The following EGF variants were observed in gnomAD, a reference collection of about 807,000 sequenced individuals.
The protein encoded by EGF is epidermal growth factor.
Under a neutral mutation model 143.8 loss-of-function variants are expected in EGF, and 95 were observed. The observed-to-expected ratio is 0.66, with a 90% confidence interval of 0.56 to 0.78. EGF has a LOEUF of 0.78. EGF is among the 30% of genes least tolerant of loss of function. EGF has a pLI of 0.00. For synonymous variants in EGF, 510 were observed against 510.5 expected (o/e 1.00, Z 0.01); for missense variants, 1,320 against 1,470.9 (o/e 0.90, Z 1.68).
At chr4:109,987,704 A>T (rs1750336514) in intron 16 of EGF, 40 bp from the exon 17 acceptor site, 10 of 1,524,654 alleles carry the variant, frequency 6.6e-6, no homozygotes, top group African/African-American at 1.4e-5. Flanking sequence ...TTCTTCTCTA[A>T]GGTCTAGAAA....
At chr4:109,933,188 C>A (rs1024927613) in intron 1 of EGF, among the ~76,000 whole-genome samples, 2 of 152,196 alleles carry the variant, frequency 1.3e-5, no homozygotes, top group Non-Finnish European at 1.5e-5. Context: ...GACTGGAAAC[C>A]AGGCCTCTGG....
chr4:109,976,505 G>C (rs1490524375), intron 13 of EGF, among the ~76,000 whole-genome samples: 1 of 152,126 alleles, frequency 6.6e-6, no homozygotes, highest in Non-Finnish European at 1.5e-5. Flanking sequence ...TTAGGAATAA[G>C]AACTTGGTTC....
chr4:109,952,454 T>C (rs1432107016), intron 5 of EGF, among the ~76,000 whole-genome samples: 1 of 152,222 alleles, frequency 6.6e-6, no homozygotes, highest in Non-Finnish European at 1.5e-5. Flanking sequence ...ATGTACTTGC[T>C]TCTGGAAGCA....
chr4:109,943,863 G>A lies in EGF; in HGVS notation c.531G>A (p.Glu177=). The A allele has an allele frequency of 6.2e-7, 1 of 1,614,186 alleles. No individual in the cohort carries two copies. The highest frequency in any genetic ancestry group is 8.5e-7 in the Non-Finnish European group (1 of 1,180,036). The part of the protein sequence containing the change: ...PVERFIFWSS[E]VAGSLYRADL... ...TCAGGTTTATATTTTGGTCTTCAGA[G>A]GTGGCTGGAAGCCTTTATAGAGCAG... Residue 177 remains glutamate, a synonymous_variant, in exon 4 of 24, where the codon GAG becomes GAA. Transcript: ENST00000265171.
chr4:109,974,609 C>A, intron 11 of EGF, 94 bp from the exon 12 acceptor site: 1 of 902,750 alleles, frequency 1.1e-6, no homozygotes, highest in Non-Finnish European at 1.8e-6. Context: ...GTTTAGAATG[C>A]CTATCTTTGC....
Position 109,960,744 on chromosome 4 carries a change from T to G in EGF, c.1067-123T>G. 4 of 1,128,630 alleles carry G rather than the reference T, an allele frequency of 3.5e-6. No homozygotes were observed. The Admixed American group carries it at 8.1e-5, about 23-fold the overall frequency. The allele number at this position is 1,128,630 out of a possible 1,614,324, so 69.9% of individuals were successfully genotyped here. A position where few individuals can be genotyped will look rare whatever the true frequency, so the allele number is the denominator to read the frequency against. ...TTGCTAGAGTATGGAAAACAGACTT[T>G]CCATGATCAATTACAGCATATACAA... On this transcript the variant is annotated intron_variant, in intron 6 of 23. Coordinates refer to ENST00000265171, the MANE Select transcript of EGF (RefSeq NM_001963.6).
intron 8 of EGF, among the ~76,000 whole-genome samples, 174 bp downstream of exon 8, chr4:109,962,159 G>A (rs1003306702): frequency 2.6e-5 from 4 of 152,148 alleles, no homozygotes; most frequent in African/African-American, 7.2e-5. Flanking sequence ...TGGGTTTTTG[G>A]CTTTTTTGTT....
intron 10 of EGF, among the ~76,000 whole-genome samples, chr4:109,966,298 C>A (rs893485165): frequency 3.3e-5 from 5 of 152,008 alleles, no homozygotes; most frequent in African/African-American, 1.2e-4. Context: ...TGAGAACATG[C>A]AATTTTTGAT....
At chr4:110,009,519 C>T (rs567171944) in intron 23 of EGF, among the ~76,000 whole-genome samples, 2 of 152,296 alleles carry the variant, frequency 1.3e-5, no homozygotes, top group Non-Finnish European at 2.9e-5. Context: ...ACTAAGGACT[C>T]ATTACAGTTA....
chr4:110,003,377 C>T (rs887014068), intron 21 of EGF, among the ~76,000 whole-genome samples: 1 of 151,998 alleles, frequency 6.6e-6, no homozygotes, highest in African/African-American at 2.4e-5. Context: ...CAAATTATAA[C>T]GTTGTACCTT....
intron 1 of EGF, among the ~76,000 whole-genome samples, chr4:109,925,191 A>G (rs1310269476): frequency 6.6e-6 from 1 of 152,218 alleles, no homozygotes; most frequent in African/African-American, 2.4e-5. Flanking sequence ...GTGGTAAAAT[A>G]TTGCTAAAAT....
intron 11 of EGF, among the ~76,000 whole-genome samples, chr4:109,973,354 C>G (rs1262642193): frequency 6.6e-6 from 1 of 152,136 alleles, no homozygotes; most frequent in Non-Finnish European, 1.5e-5. Flanking sequence ...TACTTTAGAA[C>G]TTGTATATGT....
At chr4:109,979,836 C>T (rs1369010134) in intron 13 of EGF, 136 bp from the exon 14 acceptor site, 1 of 990,084 alleles carries the variant, frequency 1.0e-6, no homozygotes, top group Non-Finnish European at 1.5e-6. Context: ...GAGTCGGTGG[C>T]TCACTCATAA....
intron 10 of EGF, among the ~76,000 whole-genome samples, chr4:109,966,636 T>G (rs898009277): frequency 1.3e-5 from 2 of 152,110 alleles, no homozygotes; most frequent in Non-Finnish European, 2.9e-5. Flanking sequence ...CCTAGAGGAT[T>G]GCAAATTTAC....
intron 18 of EGF, chr4:109,992,186 AAAAAAAAAAAAAAAGACAG>A (rs1252552247): frequency 6.7e-6 from 1 of 149,244 alleles, no homozygotes; most frequent in African/African-American, 2.5e-5. Flanking sequence ...AAAAAAAAAA[AAAAAAAAAAAAAAAGACAG>A]AGAGAGAAAG....
At chr4:109,973,641 C>G (rs1363850070) in intron 11 of EGF, among the ~76,000 whole-genome samples, 1 of 151,796 alleles carries the variant, frequency 6.6e-6, no homozygotes, top group Non-Finnish European at 1.5e-5. Context: ...CTTTTCTTCC[C>G]CTCCCCGTCC....
chr4:109,999,716 C>G lies in EGF; in HGVS notation c.3043C>G (p.Arg1015Gly), dbSNP rs764618186. The change falls in exon 21 of 24, where the codon CGA becomes GGA. Residue 1015 changes from arginine to glycine, a missense_variant. Arg to Gly is a moderately radical substitution (Grantham distance 125). Around this residue, in one of 5 missense-constraint regions of EGF, gnomAD observed 1,186 missense variants for 1,313.7 expected, o/e 0.90. Transcript: ENST00000265171. ...VGYIGERCQY[R>G]DLKWWELRHA... ...CTACATCGGGGAGCGATGTCAGTACCGAGACCTGAAGTGGTGGGAACTGCG... is the reference window on the plus strand; with the variant it reads ...CTACATCGGGGAGCGATGTCAGTACGGAGACCTGAAGTGGTGGGAACTGCG... 1 of 1,614,134 alleles carries G rather than the reference C, an allele frequency of 6.2e-7. No homozygotes were observed. Among genetic ancestry groups the G allele is most frequent in the Non-Finnish European group, 8.5e-7 (1 of 1,180,016 alleles).
Position 109,980,988 on chromosome 4 carries a change from A to T in EGF, c.2371+13A>T, listed in dbSNP as rs746191208. On this transcript the variant is annotated intron_variant, in intron 15 of 23. Coordinates refer to ENST00000265171, the MANE Select transcript of EGF (RefSeq NM_001963.6). ...CAGCTGTTGGCAGGTAATATAATAA[A>T]TTATGTGGCAAATTACCTAACGTTG... 3.1e-6 allele frequency: 5 copies of T among 1,614,046 alleles called. No individual in the cohort carries two copies. Among genetic ancestry groups the T allele is most frequent in the Non-Finnish European group, 4.2e-6 (5 of 1,179,938 alleles).
intron 18 of EGF, among the ~76,000 whole-genome samples, chr4:109,991,704 A>G (rs1391107906): frequency 6.6e-6 from 1 of 152,238 alleles, no homozygotes; most frequent in Non-Finnish European, 1.5e-5. Flanking sequence ...ATGTATGTCA[A>G]TGACAGGATG....
Sources: gnomAD v4.1 joint callset for allele counts (sites outside exome capture counted in the v4.1 genomes callset) on GRCh38, gnomAD v4.1.1 for gene constraint, gnomAD v4.1.1 regional missense constraint, MANE v1.5 for transcripts, NCBI Gene and HGNC (gene_info 2026-07-23, HGNC 2026-07-21) for gene names.